The following EPHB1 variants were observed in gnomAD, a reference collection of about 807,000 sequenced individuals.
EPHB1 encodes ephrin type-B receptor 1.
EPHB1 carries 30 observed loss-of-function variants against 94.4 expected under a neutral mutation model. The ratio of observed to expected loss-of-function variants is 0.32; its 90% CI spans 0.24 to 0.43. EPHB1 has a LOEUF of 0.43. EPHB1 is among the 20% of genes least tolerant of loss of function. EPHB1 has a pLI of 1.00. For synonymous variants in EPHB1, 522 were observed against 489.1 expected (o/e 1.07, Z -0.89); for missense variants, 1,055 against 1,308.3 (o/e 0.81, Z 2.99).
At chr3:134,964,383 GC>G (rs2107723506) in intron 3 of EPHB1, among the ~76,000 whole-genome samples, 1 of 152,300 alleles carries the variant, frequency 6.6e-6, no homozygotes, top group South Asian at 2.1e-4. Context: ...ATGGTCGCAA[GC>G]CCATACGTTA....
intron 3 of EPHB1, among the ~76,000 whole-genome samples, chr3:135,039,083 G>A (rs1348802660): frequency 5.3e-5 from 8 of 152,088 alleles, no homozygotes; most frequent in Non-Finnish European, 1.0e-4. Context: ...ACAGAGTGTC[G>A]ATTGGTGCAT....
chr3:134,864,687 A>T (rs760761145), intron 1 of EPHB1, among the ~76,000 whole-genome samples: 18 of 152,252 alleles, frequency 1.2e-4, no homozygotes, highest in Non-Finnish European at 2.2e-4. Flanking sequence ...TTCCATAAGA[A>T]CCAAAATATT....
At chr3:134,941,745 GCACACAGACACACACACA>G (rs1224448248) in intron 2 of EPHB1, among the ~76,000 whole-genome samples, 6 of 92,692 alleles carry the variant, frequency 6.5e-5, no homozygotes, top group African/African-American at 2.7e-4. Context: ...CTTTACATAT[GCACACAGACACACACACA>G]CACACACACA....
rs193218389 is a variant in EPHB1 at position 135,138,158 on chromosome 3, C to T, written c.1297+5109C>T. 3.0e-4 allele frequency among the ~76,000 whole-genome samples: 45 copies of T among 152,330 alleles called. No individual in the cohort carries two copies. The East Asian group carries it at 4.8e-3, about 16-fold the overall frequency. ...TTACATGCAGTTCATGTATGGCCTG[C>T]GTGCCACTTCCATGTGGAATACTAT... On this transcript the variant is annotated intron_variant, in intron 5 of 15. Transcript: ENST00000398015.
intron 1 of EPHB1, among the ~76,000 whole-genome samples, chr3:134,898,179 T>C (rs1448719687): frequency 6.6e-6 from 1 of 152,164 alleles, no homozygotes; most frequent in Non-Finnish European, 1.5e-5. Flanking sequence ...AAGCGTTTTG[T>C]GATCCCAGCG....
chr3:135,110,696 G>A (rs7374193), intron 4 of EPHB1, among the ~76,000 whole-genome samples: 27,067 of 152,222 alleles, frequency 0.18, 2,957 homozygotes, highest in East Asian at 0.38. Flanking sequence ...CGATGATGGT[G>A]ATTGGCTGTT....
intron 12 of EPHB1, among the ~76,000 whole-genome samples, chr3:135,210,687 G>C (rs1023646141): frequency 2.6e-5 from 4 of 152,160 alleles, no homozygotes; most frequent in African/African-American, 9.6e-5. Flanking sequence ...GCCACACAGC[G>C]TGCTATTGCA....
chr3:135,251,021 C>T (rs569807975), intron 15 of EPHB1, among the ~76,000 whole-genome samples: 5 of 151,938 alleles, frequency 3.3e-5, no homozygotes, highest in African/African-American at 1.2e-4. Context: ...TGCCAATATT[C>T]CTGGAGTCCA....
At position 134,925,855 on chromosome 3, in the gene EPHB1, G is replaced by A; in HGVS notation, c.98G>A (p.Gly33Asp). 6.2e-7 allele frequency: 1 copy of A among 1,605,504 alleles called. No homozygotes were observed. Among genetic ancestry groups the A allele is most frequent in the Non-Finnish European group, 8.5e-7 (1 of 1,175,788 alleles). ...ACCAGAACGGCTACTGCAGAGCTGG[G>A]CTGGACGGCCAATCCTGCGTCCGGG... ...MDTRTATAEL[G>D]WTANPASGWE... The change falls in exon 2 of 16, where the codon GGC becomes GAC. Residue 33 changes from glycine (G) to aspartate (D), a missense_variant. Transcript: ENST00000398015.
At chr3:134,835,702 C>T (rs1267837672) in intron 1 of EPHB1, among the ~76,000 whole-genome samples, 1 of 152,166 alleles carries the variant, frequency 6.6e-6, no homozygotes, top group Non-Finnish European at 1.5e-5. Flanking sequence ...AGAGGAAAGA[C>T]CCCTGATCCT....
At chr3:135,188,970 G>C (rs886627356) in intron 10 of EPHB1, among the ~76,000 whole-genome samples, 1 of 151,798 alleles carries the variant, frequency 6.6e-6, no homozygotes, top group Non-Finnish European at 1.5e-5. Context: ...CCATGACCAC[G>C]AAGGTAACCA....
chr3:135,134,481 G>T (rs1940540867), intron 5 of EPHB1, among the ~76,000 whole-genome samples: 2 of 152,210 alleles, frequency 1.3e-5, no homozygotes, highest in African/African-American at 4.8e-5. Flanking sequence ...TTGCTGCTGT[G>T]TGTGGGTGTG....
At chr3:135,178,545 C>T (rs1174276036) in intron 9 of EPHB1, among the ~76,000 whole-genome samples, 1 of 151,990 alleles carries the variant, frequency 6.6e-6, no homozygotes, top group African/African-American at 2.4e-5. Flanking sequence ...AATTTCCAGT[C>T]CTTGCCTGAA....
intron 1 of EPHB1, among the ~76,000 whole-genome samples, chr3:134,843,280 A>G (rs1032804048): frequency 6.6e-6 from 1 of 151,948 alleles, no homozygotes; most frequent in Admixed American, 6.5e-5. Flanking sequence ...GTTTCTCTGT[A>G]TGTTATTTTC....
intron 4 of EPHB1, among the ~76,000 whole-genome samples, chr3:135,119,971 G>T (rs1378459524): frequency 6.6e-6 from 1 of 152,108 alleles, no homozygotes; most frequent in Non-Finnish European, 1.5e-5. Flanking sequence ...TCTAATTGGT[G>T]GTTCTGTCTG....
chr3:135,053,055 A>ATATG (rs1360770430), intron 3 of EPHB1, among the ~76,000 whole-genome samples: 2 of 135,700 alleles, frequency 1.5e-5, no homozygotes, highest in Non-Finnish European at 3.1e-5. Flanking sequence ...ATATATATAT[A>ATATG]AAGTTGGTGT....
intron 13 of EPHB1, among the ~76,000 whole-genome samples, chr3:135,242,065 G>A (rs978583273): frequency 1.3e-5 from 2 of 152,206 alleles, no homozygotes; most frequent in Non-Finnish European, 2.9e-5. Flanking sequence ...TTACTAAAAG[G>A]TGAGGAAGCC....
At chr3:135,258,770 A>C (rs577713204) in intron 15 of EPHB1, among the ~76,000 whole-genome samples, 1 of 152,174 alleles carries the variant, frequency 6.6e-6, no homozygotes, top group South Asian at 2.1e-4. Context: ...TAAGGAACAC[A>C]CCCCTGGAAC....
intron 3 of EPHB1, among the ~76,000 whole-genome samples, chr3:135,003,791 T>C (rs1052721671): frequency 6.6e-6 from 1 of 152,002 alleles, no homozygotes; most frequent in Non-Finnish European, 1.5e-5. Context: ...CCCCCGCCTT[T>C]TTTTGTTTTC....
Sources: gnomAD v4.1 joint callset for allele counts (sites outside exome capture counted in the v4.1 genomes callset) on GRCh38, gnomAD v4.1.1 for gene constraint, MANE v1.5 for transcripts, NCBI Gene and HGNC (gene_info 2026-07-23, HGNC 2026-07-21) for gene names.